The following UTS2B variants were observed in gnomAD, a reference collection of about 807,000 sequenced individuals.
The protein encoded by UTS2B is urotensin 2B.
UTS2B carries 21 observed loss-of-function variants against 19.2 expected under a neutral mutation model. The ratio of observed to expected loss-of-function variants is 1.09; its 90% confidence interval spans 0.78 to 1.58. UTS2B has a LOEUF of 1.58. UTS2B is among the 40% of genes most tolerant of loss of function. The probability of loss-of-function intolerance (pLI) is 0.00; values close to 1 mark genes in which losing one functional copy is unlikely to be tolerated. For missense variants in UTS2B, 138 were observed against 130.3 expected (o/e 1.06, Z -0.29); for synonymous variants, 57 against 50.2 (o/e 1.14, Z -0.58).
chr3:191,274,882 A>G (rs1478545522), intron 8 of UTS2B, among the ~76,000 whole-genome samples: 1 of 152,258 alleles, frequency 6.6e-6, no homozygotes, highest in Admixed American at 6.5e-5. Flanking sequence ...TGTTATAGCA[A>G]CGAAGTTTCC....
At chr3:191,272,361 A>C (rs1006465085) in intron 8 of UTS2B, among the ~76,000 whole-genome samples, 2 of 152,232 alleles carry the variant, frequency 1.3e-5, no homozygotes, top group East Asian at 3.8e-4. Flanking sequence ...ATGGCAAAAT[A>C]AGTGCTAAAA....
At position 191,320,978 on chromosome 3, in the gene UTS2B, G is replaced by T. The variant is rs553520923; in HGVS notation, c.-585-4539C>A. 1.1e-4 allele frequency among the ~76,000 whole-genome samples: 16 copies of T among 152,336 alleles called. No individual in the cohort carries two copies. In the South Asian group the frequency reaches 3.3e-3, roughly 32 times the overall value. On this transcript the variant is annotated intron_variant, in intron 2 of 8. Transcript: ENST00000340524. ...GGCAGGGCCTATAAGAGATGATTAG[G>T]TCTAAAGGGCTTCTCCCTGATTAAT...
At chr3:191,296,177 G>T (rs1368201957) in intron 4 of UTS2B, among the ~76,000 whole-genome samples, 1 of 152,026 alleles carries the variant, frequency 6.6e-6, no homozygotes, top group Non-Finnish European at 1.5e-5. Flanking sequence ...CCTTCTTTCA[G>T]TTCTTCAAAA....
chr3:191,303,931 G>C (rs1217955229), intron 4 of UTS2B, among the ~76,000 whole-genome samples: 5 of 152,070 alleles, frequency 3.3e-5, no homozygotes, highest in Admixed American at 2.0e-4. Context: ...CTCTTCAATG[G>C]GGAAGGATAT....
chr3:191,318,242 T>C (rs1163006805), intron 2 of UTS2B, among the ~76,000 whole-genome samples: 1 of 152,244 alleles, frequency 6.6e-6, no homozygotes, highest in Non-Finnish European at 1.5e-5. Context: ...CATATTTGTA[T>C]AGTTTCACCA....
Position 191,268,397 on chromosome 3 carries a change from TGCATCCAGAG to T in UTS2B, c.*9_*18del. 2 of 1,554,738 alleles carry T rather than the reference TGCATCCAGAG, an allele frequency of 1.3e-6. No homozygotes were observed. The highest frequency in any genetic ancestry group is 2.7e-5 in the African/African-American group (2 of 73,650). On this transcript the variant is annotated 3_prime_UTR_variant, in exon 9 of 9. Transcript: ENST00000340524. ...TTTTCCTGATATTCTTATCTTTTTT[TGCATCCAGAG>T]AAAAAGCTTTAAACACAGTATTTCC...
intron 4 of UTS2B, among the ~76,000 whole-genome samples, chr3:191,292,274 C>A (rs1219318448): frequency 6.6e-6 from 1 of 152,084 alleles, no homozygotes; most frequent in Non-Finnish European, 1.5e-5. Context: ...TCTTTAATTT[C>A]TTTCAATGTT....
At chr3:191,312,807 G>T (rs957160257) in intron 3 of UTS2B, among the ~76,000 whole-genome samples, 1 of 152,092 alleles carries the variant, frequency 6.6e-6, no homozygotes, top group Non-Finnish European at 1.5e-5. Flanking sequence ...AATTATATTT[G>T]CCTGGGGCTA....
intron 3 of UTS2B, among the ~76,000 whole-genome samples, chr3:191,304,822 C>CCCACCCT (rs1311048583): frequency 1.3e-5 from 2 of 152,148 alleles, no homozygotes; most frequent in Non-Finnish European, 2.9e-5. Context: ...TTTCCCTCCT[C>CCCACCCT]CCACCCTCCA....
At chr3:191,311,606 A>G (rs1250477511) in intron 3 of UTS2B, among the ~76,000 whole-genome samples, 2 of 152,154 alleles carry the variant, frequency 1.3e-5, no homozygotes, top group Non-Finnish European at 2.9e-5. Flanking sequence ...CCAGAGGCCC[A>G]CTTTCCTCAT....
intron 8 of UTS2B, among the ~76,000 whole-genome samples, chr3:191,270,241 A>T (rs1716050776): frequency 6.6e-6 from 1 of 152,110 alleles, no homozygotes; most frequent in African/African-American, 2.4e-5. Context: ...TTGTCACCGA[A>T]GCTGGAGTGC....
At chr3:191,316,976 C>T (rs1024477854) in intron 2 of UTS2B, among the ~76,000 whole-genome samples, 4 of 152,248 alleles carry the variant, frequency 2.6e-5, no homozygotes, top group African/African-American at 9.6e-5. Context: ...CCGGGGCTGC[C>T]GGCGGAGCCT....
intron 3 of UTS2B, among the ~76,000 whole-genome samples, chr3:191,308,091 C>A (rs970075072): frequency 5.3e-5 from 8 of 152,190 alleles, no homozygotes; most frequent in African/African-American, 1.9e-4. Context: ...ACCTTGGCCT[C>A]CCAAAGTGCT....
At chr3:191,270,043 A>T (rs1325885796) in intron 8 of UTS2B, among the ~76,000 whole-genome samples, 2 of 152,268 alleles carry the variant, frequency 1.3e-5, no homozygotes. Flanking sequence ...TATTTGTAGC[A>T]GATGTCTATC....
At chr3:191,294,856 C>T (rs1418448506) in intron 4 of UTS2B, 1 of 151,772 alleles carries the variant, frequency 6.6e-6, no homozygotes, top group Non-Finnish European at 1.5e-5. Context: ...TGGTAAAATC[C>T]CATCTCTACT....
chr3:191,338,227 T>C, the UTS2B span, among the ~76,000 whole-genome samples: 1 of 152,240 alleles, frequency 6.6e-6, no homozygotes, highest in East Asian at 1.9e-4. Flanking sequence ...CTTTAAGTAT[T>C]ATATTCACTA....
chr3:191,290,070 A>C (rs1716670952), intron 4 of UTS2B, among the ~76,000 whole-genome samples: 1 of 152,202 alleles, frequency 6.6e-6, no homozygotes, highest in Non-Finnish European at 1.5e-5. Flanking sequence ...GAATTTTGTC[A>C]AATTTTTAAT....
chr3:191,318,867 A>G (rs1717536088), intron 2 of UTS2B, among the ~76,000 whole-genome samples: 1 of 152,144 alleles, frequency 6.6e-6, no homozygotes, highest in Non-Finnish European at 1.5e-5. Flanking sequence ...GATAATTGCA[A>G]ATCACATGAT....
intron 4 of UTS2B, among the ~76,000 whole-genome samples, chr3:191,290,551 CATG>C (rs1716683988): frequency 6.6e-6 from 1 of 152,202 alleles, no homozygotes. Flanking sequence ...GCTTAACCCA[CATG>C]ATCTCTTGCC....
Sources: gnomAD v4.1 joint callset for allele counts (sites outside exome capture counted in the v4.1 genomes callset) on GRCh38, gnomAD v4.1.1 for gene constraint, MANE v1.5 for transcripts, NCBI Gene and HGNC (gene_info 2026-07-23, HGNC 2026-07-21) for gene names.